The following ACSL4 variants were observed in gnomAD, a reference collection of about 807,000 sequenced individuals.
ACSL4 encodes acyl-CoA synthetase long chain family member 4, also known as long-chain-fatty-acid--CoA ligase 4.
ACSL4 carries 9 observed loss-of-function variants against 49.1 expected under a neutral mutation model. The ratio of observed to expected loss-of-function variants is 0.18; its 90% confidence interval spans 0.11 to 0.32. The LOEUF (loss-of-function observed/expected upper bound fraction) is 0.32, where lower values mean the gene tolerates loss of function less well. Ranked by LOEUF, ACSL4 falls within the 10% of genes least tolerant of loss-of-function variation. ACSL4 has a pLI of 1.00. For synonymous variants in ACSL4, 191 were observed against 170.3 expected (o/e 1.12, Z -0.95); for missense variants, 333 against 493.7 (o/e 0.67, Z 3.08).
intron 2 of ACSL4, among the ~76,000 whole-genome samples, chrX:109,690,769 G>GC (rs957552023): frequency 4.1e-5 from 4 of 96,818 alleles, no homozygotes; most frequent in African/African-American, 1.5e-4. Flanking sequence ...GGGGGGGGGG[G>GC]CCTCTATAGA....
chrX:109,651,538 A>G (rs757613347), intron 15 of ACSL4, among the ~76,000 whole-genome samples: 2 of 111,972 alleles, frequency 1.8e-5, no homozygotes, highest in South Asian at 7.4e-4. Context: ...AGGAACATAA[A>G]ACTTGCTTGA....
intron 9 of ACSL4, among the ~76,000 whole-genome samples, chrX:109,673,035 G>C (rs185536676): frequency 8.9e-6 from 1 of 111,838 alleles, no homozygotes; most frequent in African/African-American, 3.2e-5. Context: ...AGCCCCTCAA[G>C]ACACAAAGTA....
At chrX:109,677,021 G>A (rs1416449525) in intron 8 of ACSL4, among the ~76,000 whole-genome samples, 1 of 108,916 alleles carries the variant, frequency 9.2e-6, no homozygotes, top group Non-Finnish European at 1.9e-5. Context: ...GTGCAGTGGC[G>A]CGATCTTGGC....
intron 2 of ACSL4, among the ~76,000 whole-genome samples, chrX:109,685,106 T>TTTG (rs1473218317): frequency 9.7e-6 from 1 of 102,692 alleles, no homozygotes; most frequent in Non-Finnish European, 2.0e-5. Flanking sequence ...TTTTTTTTTT[T>TTTG]TTTTGAGACA....
intron 1 of ACSL4, among the ~76,000 whole-genome samples, chrX:109,729,820 T>G (rs1928288336): frequency 8.9e-6 from 1 of 112,099 alleles, no homozygotes; most frequent in African/African-American, 3.2e-5. Context: ...TGCACTAATC[T>G]CCAAGGAATT....
At chrX:109,723,325 G>A (rs1358447074) in intron 1 of ACSL4, among the ~76,000 whole-genome samples, 1 of 111,628 alleles carries the variant, frequency 9.0e-6, no homozygotes, top group Non-Finnish European at 1.9e-5. Flanking sequence ...CAGAGAAAAA[G>A]TAAAACTATA....
intron 15 of ACSL4, among the ~76,000 whole-genome samples, chrX:109,658,904 A>G (rs1215750233): frequency 8.9e-6 from 1 of 112,347 alleles, no homozygotes; most frequent in Non-Finnish European, 1.9e-5. Context: ...GTGTAACACA[A>G]TTCCTGGCAT....
chrX:109,705,964 T>A (rs1926323799), intron 1 of ACSL4, among the ~76,000 whole-genome samples: 1 of 113,114 alleles, frequency 8.8e-6, no homozygotes, highest in South Asian at 3.6e-4. Flanking sequence ...CCCAAAGTGC[T>A]AGGATTACAG....
intron 15 of ACSL4, among the ~76,000 whole-genome samples, chrX:109,646,645 T>C (rs1183261534): frequency 9.1e-6 from 1 of 109,501 alleles, no homozygotes; most frequent in Non-Finnish European, 1.9e-5. Flanking sequence ...AACATCATAA[T>C]GACAGGATCA....
At position 109,644,077 on chromosome X, in the gene ACSL4, C is replaced by G; in HGVS notation, c.1965G>C (p.Leu655=). The stretch of plus-strand genomic sequence containing the variant: ...CAATGTCTTTGAGGTAATGGTTCCT[C>G]AGCTCCTTCCTTTTCAGTTTGAAAG... The part of the protein sequence containing the change: ...TDAFKLKRKE[L]RNHYLKDIER... Residue 655 remains leucine, a synonymous_variant, in exon 16 of 16, where the codon CTG becomes CTC. Coordinates refer to ENST00000672401, the MANE Select transcript of ACSL4 (RefSeq NM_001318510.2). The G allele has an allele frequency of 8.3e-7, 1 of 1,211,310 alleles. No individual in the cohort carries two copies. The highest frequency in any genetic ancestry group is 1.1e-6 in the Non-Finnish European group (1 of 895,235).
At chrX:109,655,278 C>T (rs1319029907) in intron 15 of ACSL4, among the ~76,000 whole-genome samples, 1 of 110,933 alleles carries the variant, frequency 9.0e-6, no homozygotes, top group African/African-American at 3.3e-5. Context: ...AAAAGGATTC[C>T]TTTTAATATC....
intron 8 of ACSL4, among the ~76,000 whole-genome samples, chrX:109,677,066 TCTC>T (rs1320692874): frequency 1.8e-5 from 2 of 110,122 alleles, no homozygotes; most frequent in Non-Finnish European, 3.8e-5. Flanking sequence ...TTCACGCCAT[TCTC>T]CTGCCTCAGC....
chrX:109,723,113 A>G (rs1927688296), intron 1 of ACSL4, among the ~76,000 whole-genome samples: 1 of 111,567 alleles, frequency 9.0e-6, no homozygotes. Context: ...TGTTCAGTAC[A>G]AGGCATTAAT....
chrX:109,714,471 C>T (rs1298873277), intron 1 of ACSL4, among the ~76,000 whole-genome samples: 1 of 111,935 alleles, frequency 8.9e-6, no homozygotes, highest in African/African-American at 3.2e-5. Context: ...ATAAAGTGGA[C>T]AGTGGTGTAC....
At position 109,699,116 on chromosome X, in the gene ACSL4, C is replaced by CA. The variant is rs1292436539; in HGVS notation, c.-65-2921dup. The stretch of plus-strand genomic sequence containing the variant: ...GTGCGGTGGCTCATGCCTATTATCC[C>CA]AGTACTTTGGGAGGCTGAGGTGAGC... On this transcript the variant is annotated intron_variant, in intron 1 of 15. Coordinates refer to ENST00000672401, the MANE Select transcript of ACSL4 (RefSeq NM_001318510.2). Among the ~76,000 whole-genome samples, 4 of 112,264 alleles carry CA rather than the reference C, an allele frequency of 3.6e-5. No homozygotes were observed. In the East Asian group the frequency reaches 1.1e-3, roughly 31 times the overall value.
intron 13 of ACSL4, among the ~76,000 whole-genome samples, chrX:109,662,313 T>G (rs1052978725): frequency 9.0e-6 from 1 of 110,780 alleles, no homozygotes; most frequent in African/African-American, 3.3e-5. Context: ...TTGATTCCAG[T>G]GCAATTAAGG....
At position 109,671,641 on chromosome X, in the gene ACSL4, G is replaced by A. The variant is rs777401349; in HGVS notation, c.1003-2468C>T. The stretch of plus-strand genomic sequence containing the variant: ...GCGGTTTTGTCAAATAGAAAAGGGG[G>A]AAATGTGGGGAAAAGAAAGAGAGAT... On this transcript the variant is annotated intron_variant, in intron 9 of 15. Transcript: ENST00000672401. Among the ~76,000 whole-genome samples, 372 of 112,637 alleles carry A rather than the reference G, an allele frequency of 3.3e-3. 3 individuals carry two copies. The highest frequency in any genetic ancestry group is 0.011 in the African/African-American group (356 of 31,000).
At chrX:109,645,413 C>A (rs1934632555) in intron 15 of ACSL4, among the ~76,000 whole-genome samples, 2 of 112,339 alleles carry the variant, frequency 1.8e-5, no homozygotes, top group South Asian at 7.4e-4. Flanking sequence ...CAGGGGCAGA[C>A]TGACACCTCA....
At chrX:109,720,545 T>C (rs924662554) in intron 1 of ACSL4, among the ~76,000 whole-genome samples, 1 of 111,717 alleles carries the variant, frequency 9.0e-6, no homozygotes, top group African/African-American at 3.3e-5. Context: ...AGGTCAGTTA[T>C]TTTGCTTAAA....
Sources: gnomAD v4.1 joint callset for allele counts (sites outside exome capture counted in the v4.1 genomes callset) on GRCh38, gnomAD v4.1.1 for gene constraint, MANE v1.5 for transcripts, NCBI Gene and HGNC (gene_info 2026-07-23, HGNC 2026-07-21) for gene names.